The following SEPTIN7 variants were observed in gnomAD, a reference collection of about 807,000 sequenced individuals.
The protein encoded by SEPTIN7 is septin-7.
SEPTIN7 carries 10 observed loss-of-function variants against 63.3 expected under a neutral mutation model. The observed-to-expected ratio is 0.16, with a 90% CI of 0.10 to 0.27. The LOEUF is 0.27. SEPTIN7 is among the 10% of genes least tolerant of loss of function. SEPTIN7 has a pLI of 1.00. For synonymous variants in SEPTIN7, 131 were observed against 165.3 expected, an observed-to-expected ratio of 0.79 and a Z score of 1.59; for missense variants, 310 against 521.0, an observed-to-expected ratio of 0.59 and a Z score of 3.94.
At chr7:35,826,732 A>G (rs1274479541) in intron 1 of SEPTIN7, among the ~76,000 whole-genome samples, 1 of 152,066 alleles carries the variant, frequency 6.6e-6, no homozygotes, top group Non-Finnish European at 1.5e-5. Context: ...TTTGTTACTA[A>G]AAAGCATATT....
intron 1 of SEPTIN7, among the ~76,000 whole-genome samples, chr7:35,808,251 G>A (rs1385171440): frequency 3.9e-5 from 6 of 152,012 alleles, no homozygotes; most frequent in Admixed American, 3.9e-4. Flanking sequence ...CTAGTCCTCG[G>A]CATCCTGTGT....
Position 35,858,563 on chromosome 7 carries a change from C to T in SEPTIN7, c.170-4989C>T, listed in dbSNP as rs185699038. On this transcript the variant is annotated intron_variant, in intron 3 of 13. Coordinates refer to ENST00000350320, the MANE Select transcript of SEPTIN7 (RefSeq NM_001788.6). ...TAGAGACGTGGTTTCACATTGTTGG[C>T]CAGGATTATCTCAATCTCCTGACCT... Among the ~76,000 whole-genome samples the T allele has an allele frequency of 1.1e-3, 160 of 152,198 alleles. 1 individual carries two copies. The highest frequency in any genetic ancestry group is 3.7e-3 in the African/African-American group (153 of 41,506).
In SEPTIN7 at chr7:35,906,016, T is replaced by C. The variant is rs1043626122; in HGVS notation, c.*1723T>C. 5 of 152,192 alleles carry C rather than the reference T, an allele frequency of 3.3e-5. No individual in the cohort carries two copies. Among genetic ancestry groups the C allele is most frequent in the Non-Finnish European group, 5.9e-5 (4 of 68,038 alleles). The allele number at this position is 152,192 out of a possible 1,614,324, so 9.4% of individuals were successfully genotyped here. On this transcript the variant is annotated 3_prime_UTR_variant, in exon 14 of 14. Transcript: ENST00000350320. ...AGTCAATAGCAGAGAGATTGTTGTT[T>C]GGGTGTTTATTTTTTTCAGTTTTTG...
the SEPTIN7 span, among the ~76,000 whole-genome samples, chr7:35,915,187 GAAAT>G: frequency 1.5e-5 from 2 of 134,348 alleles, no homozygotes; most frequent in African/African-American, 5.5e-5. Flanking sequence ...ATACATATAT[GAAAT>G]AAAGGGGTGG....
chr7:35,868,230 G>A (rs1769552309), intron 4 of SEPTIN7, among the ~76,000 whole-genome samples: 1 of 152,122 alleles, frequency 6.6e-6, no homozygotes, highest in Non-Finnish European at 1.5e-5. Flanking sequence ...TTTTGAAAGT[G>A]AGAAAAGGTG....
chr7:35,826,549 A>G (rs1002503713), intron 1 of SEPTIN7, among the ~76,000 whole-genome samples: 2 of 151,942 alleles, frequency 1.3e-5, no homozygotes, highest in Admixed American at 6.6e-5. Context: ...GGGTGTGTTA[A>G]GGTAATTTGA....
At chr7:35,899,653 AAGAAGGATTGCTTGAGT>A (rs1788189259) in intron 12 of SEPTIN7, 3 of 152,228 alleles carry the variant, frequency 2.0e-5, no homozygotes, top group African/African-American at 7.2e-5. Flanking sequence ...GAGGCCAAAG[AAGAAGGATTGCTTGAGT>A]CCAGGAGTTT....
At chr7:35,858,601 A>G (rs1374231542) in intron 3 of SEPTIN7, among the ~76,000 whole-genome samples, 1 of 150,222 alleles carries the variant, frequency 6.7e-6, no homozygotes, top group Non-Finnish European at 1.5e-5. Flanking sequence ...TGATCTGCCC[A>G]CCTCAGCTTC....
chr7:35,888,656 C>T (rs1409477503), intron 10 of SEPTIN7, among the ~76,000 whole-genome samples: 1 of 151,772 alleles, frequency 6.6e-6, no homozygotes, highest in Non-Finnish European at 1.5e-5. Context: ...CTCGTCCCTA[C>T]TAAAAATACA....
chr7:35,902,925 T>C (rs1376947938), intron 12 of SEPTIN7, 151 bp from the exon 13 acceptor site: 1 of 1,197,392 alleles, frequency 8.4e-7, no homozygotes, highest in Non-Finnish European at 1.1e-6. Context: ...GAGGAGTCCT[T>C]GACCAGAGTA....
downstream of SEPTIN7, among the ~76,000 whole-genome samples, chr7:35,910,154 C>G (rs1300959524): frequency 6.6e-6 from 1 of 152,230 alleles, no homozygotes; most frequent in African/African-American, 2.4e-5. Flanking sequence ...GCATAAGCCA[C>G]ATGGCTTTTA....
intron 1 of SEPTIN7, among the ~76,000 whole-genome samples, chr7:35,805,862 C>T (rs753663692): frequency 6.6e-6 from 1 of 152,270 alleles, no homozygotes; most frequent in South Asian, 2.1e-4. Context: ...CATCTTAATT[C>T]TGTTGTTTTG....
intron 1 of SEPTIN7, among the ~76,000 whole-genome samples, chr7:35,810,268 G>A (rs1366600066): frequency 4.6e-5 from 7 of 151,566 alleles, no homozygotes; most frequent in South Asian, 2.1e-4. Context: ...GTGAAACTTC[G>A]TTGTCCTTCA....
At chr7:35,884,535 C>A (rs1353634465) in intron 9 of SEPTIN7, among the ~76,000 whole-genome samples, 1 of 152,096 alleles carries the variant, frequency 6.6e-6, no homozygotes, top group African/African-American at 2.4e-5. Context: ...GGGTTCTTTA[C>A]CTGGGGCCCA....
intron 10 of SEPTIN7, among the ~76,000 whole-genome samples, chr7:35,890,031 A>G (rs1787540271): frequency 6.6e-6 from 1 of 152,216 alleles, no homozygotes. Flanking sequence ...AGAGCAGCTA[A>G]GGATATCTTC....
intron 3 of SEPTIN7, among the ~76,000 whole-genome samples, chr7:35,852,644 A>G (rs1373243252): frequency 6.6e-6 from 1 of 152,244 alleles, no homozygotes; most frequent in African/African-American, 2.4e-5. Context: ...GCTCCCAGTC[A>G]CAATGATTTG....
intron 5 of SEPTIN7, among the ~76,000 whole-genome samples, chr7:35,873,042 CATT>C (rs1357468339): frequency 2.0e-5 from 3 of 152,024 alleles, no homozygotes; most frequent in Non-Finnish European, 4.4e-5. Context: ...GAAGAATTCT[CATT>C]ATTGTAAGAA....
chr7:35,832,994 T>C (rs557442277), intron 3 of SEPTIN7, 94 bp downstream of exon 3: 3 of 726,322 alleles, frequency 4.1e-6, no homozygotes, highest in South Asian at 1.6e-5. Context: ...GGCACAGATA[T>C]CTACAGTGAT....
intron 3 of SEPTIN7, among the ~76,000 whole-genome samples, chr7:35,845,746 C>T (rs1286984576): frequency 1.3e-5 from 2 of 152,038 alleles, no homozygotes; most frequent in Admixed American, 6.6e-5. Flanking sequence ...GCAAACCTTT[C>T]GAGTATCTTG....
Sources: gnomAD v4.1 joint callset for allele counts (sites outside exome capture counted in the v4.1 genomes callset) on GRCh38, gnomAD v4.1.1 for gene constraint, MANE v1.5 for transcripts, NCBI Gene and HGNC (gene_info 2026-07-23, HGNC 2026-07-21) for gene names.